The following RGS6 variants were observed in gnomAD, a reference collection of about 807,000 sequenced individuals.
RGS6 encodes regulator of G-protein signaling 6.
A neutral mutation model predicts 78.5 loss-of-function variants in RGS6; 30 were observed. That is an observed-to-expected ratio of 0.38 (90% CI 0.29 to 0.52). RGS6 has a LOEUF of 0.52. RGS6 is among the 20% of genes least tolerant of loss of function. RGS6 has a pLI of 0.85. For synonymous variants in RGS6, 206 were observed against 206.0 expected, an observed-to-expected ratio of 1.00 and a Z score of 0.00; for missense variants, 495 against 609.7, an observed-to-expected ratio of 0.81 and a Z score of 1.98.
intron 2 of RGS6, among the ~76,000 whole-genome samples, chr14:72,191,207 A>G (rs1438408075): frequency 1.3e-5 from 2 of 152,208 alleles, no homozygotes; most frequent in Non-Finnish European, 2.9e-5. Flanking sequence ...GGGAATGTCA[A>G]AAAAGTCAGT....
At chr14:72,173,044 A>G (rs1284307949) in intron 2 of RGS6, among the ~76,000 whole-genome samples, 1 of 152,164 alleles carries the variant, frequency 6.6e-6, no homozygotes, top group Middle Eastern at 3.2e-3. Flanking sequence ...GTGATTTGAG[A>G]GGATCTCAGT....
chr14:72,522,534 A>C, intron 15 of RGS6, among the ~76,000 whole-genome samples: 1 of 152,256 alleles, frequency 6.6e-6, no homozygotes, highest in East Asian at 1.9e-4. Flanking sequence ...CATGTGGTCT[A>C]TGTCACAACT....
intron 2 of RGS6, among the ~76,000 whole-genome samples, chr14:72,050,573 G>T (rs2093169894): frequency 6.6e-6 from 1 of 152,116 alleles, no homozygotes. Context: ...TTAGGAATAT[G>T]ATTACATGAT....
chr14:72,568,509 T>C (rs1264887520), downstream of RGS6, among the ~76,000 whole-genome samples: 1 of 152,174 alleles, frequency 6.6e-6, no homozygotes, highest in African/African-American at 2.4e-5. Context: ...GGCAGCGGCC[T>C]CTCTCTGCCT....
the RGS6 span, among the ~76,000 whole-genome samples, chr14:71,910,221 CA>C: frequency 1.4e-5 from 2 of 147,288 alleles, no homozygotes; most frequent in African/African-American, 5.2e-5. Context: ...CAAAACAAAA[CA>C]AAACAAAAAA....
chr14:72,419,483 G>A (rs193074075), intron 3 of RGS6, among the ~76,000 whole-genome samples: 2 of 152,316 alleles, frequency 1.3e-5, no homozygotes, highest in African/African-American at 2.4e-5. Flanking sequence ...GAGACAGTGC[G>A]GGTATACCAG....
rs139602650 is a variant in RGS6 at position 72,151,357 on chromosome 14, C to T, written c.84+186482C>T. Among the ~76,000 whole-genome samples the T allele has an allele frequency of 9.8e-5, 15 of 152,354 alleles. No homozygotes were observed. In the East Asian group the frequency reaches 2.9e-3, roughly 29 times the overall value. On this transcript the variant is annotated intron_variant, in intron 2 of 17. Coordinates refer to ENST00000553525, the MANE Select transcript of RGS6 (RefSeq NM_001204424.2). ...CAGATTGCGCATGTAATTACTTTCT[C>T]AGGCCTTCCTGACATTATCAGCAGG...
the RGS6 span, among the ~76,000 whole-genome samples, chr14:72,590,053 G>A: frequency 1.3e-5 from 2 of 152,208 alleles, no homozygotes; most frequent in South Asian, 4.1e-4. Flanking sequence ...CTCAACATTA[G>A]TAGTCATCAG....
intron 3 of RGS6, among the ~76,000 whole-genome samples, chr14:72,444,518 A>G (rs1205449560): frequency 6.6e-6 from 1 of 152,032 alleles, no homozygotes; most frequent in Non-Finnish European, 1.5e-5. Context: ...GGCTTTTTCA[A>G]GCTTCTCTGT....
chr14:71,921,874 A>G, the RGS6 span, among the ~76,000 whole-genome samples: 1 of 152,190 alleles, frequency 6.6e-6, no homozygotes, highest in African/African-American at 2.4e-5. Context: ...TTGTATCAGG[A>G]TATCTGTGTC....
chr14:72,468,647 G>A (rs1364453714), intron 7 of RGS6, among the ~76,000 whole-genome samples: 1 of 151,668 alleles, frequency 6.6e-6, no homozygotes, highest in African/African-American at 2.4e-5. Flanking sequence ...ACATTCTTGT[G>A]GCAGCTGCTT....
chr14:72,257,807 GC>G lies in RGS6; in HGVS notation c.85-94286del, dbSNP rs1239821536. ...TGACCTGTCCAGGGCAAGTCCACAA[GC>G]CTCCCCCTCTGTGTCATGAGGCCAC... On this transcript the variant is annotated intron_variant, in intron 2 of 17. Transcript: ENST00000553525. Among the ~76,000 whole-genome samples, 4 of 152,272 alleles carry G rather than the reference GC, an allele frequency of 2.6e-5. No homozygotes were observed. The East Asian group carries it at 7.7e-4, about 29-fold the overall frequency.
At chr14:72,511,163 G>A (rs888832375) in intron 14 of RGS6, among the ~76,000 whole-genome samples, 2 of 152,154 alleles carry the variant, frequency 1.3e-5, no homozygotes, top group Non-Finnish European at 2.9e-5. Context: ...GGGTAAGATG[G>A]AATCTCTCTC....
chr14:72,215,595 A>C (rs1359966293), intron 2 of RGS6, among the ~76,000 whole-genome samples: 1 of 152,174 alleles, frequency 6.6e-6, no homozygotes, highest in Non-Finnish European at 1.5e-5. Flanking sequence ...ACGGGACCTC[A>C]CATTCTGTAT....
rs1213769176 is a variant in RGS6 at position 72,283,123 on chromosome 14, A to C, written c.85-68972A>C. Reference sequence around the variant, plus strand: ...TTCAGAATTTCCTTTTTTAAGGCTGAATAATATTCCACTGTGTGTATAGAC... The same window carrying C: ...TTCAGAATTTCCTTTTTTAAGGCTGCATAATATTCCACTGTGTGTATAGAC... On this transcript the variant is annotated intron_variant, in intron 2 of 17. Transcript: ENST00000553525. Among the ~76,000 whole-genome samples, 8 of 152,350 alleles carry C rather than the reference A, an allele frequency of 5.3e-5. No individual in the cohort carries two copies. The East Asian group carries it at 1.3e-3, about 26-fold the overall frequency.
At chr14:72,501,104 G>A (rs1044585543) in intron 13 of RGS6, among the ~76,000 whole-genome samples, 1 of 152,060 alleles carries the variant, frequency 6.6e-6, no homozygotes, top group African/African-American at 2.4e-5. Context: ...TCTCAGGTGG[G>A]CTTTGGACTT....
chr14:72,014,330 A>G lies in RGS6; in HGVS notation c.84+49455A>G, dbSNP rs562228698. On this transcript the variant is annotated intron_variant, in intron 2 of 17. Coordinates refer to ENST00000553525, the MANE Select transcript of RGS6 (RefSeq NM_001204424.2). ...TCAAAGTAGTGACCTTGGGATAGAT[A>G]GAACTCTTTGATGCTTCCATTGATG... Among the ~76,000 whole-genome samples the G allele has an allele frequency of 5.9e-5, 9 of 152,360 alleles. No individual in the cohort carries two copies. The East Asian group carries it at 1.7e-3, about 29-fold the overall frequency.
At chr14:72,157,540 C>T (rs1333799275) in intron 2 of RGS6, among the ~76,000 whole-genome samples, 8 of 152,186 alleles carry the variant, frequency 5.3e-5, no homozygotes, top group Admixed American at 5.2e-4. Flanking sequence ...CTCCACAATT[C>T]TGTGGGCGTG....
chr14:72,082,873 C>A (rs2094881799), intron 2 of RGS6, among the ~76,000 whole-genome samples: 1 of 152,016 alleles, frequency 6.6e-6, no homozygotes, highest in African/African-American at 2.4e-5. Flanking sequence ...CTTTTGGCTC[C>A]AAGTTACAAA....
Sources: gnomAD v4.1 joint callset for allele counts (sites outside exome capture counted in the v4.1 genomes callset) on GRCh38, gnomAD v4.1.1 for gene constraint, MANE v1.5 for transcripts, NCBI Gene and HGNC (gene_info 2026-07-23, HGNC 2026-07-21) for gene names.